IGF2BP2: variants seen among roughly 807,000 people sequenced by gnomAD.
IGF2BP2 encodes insulin-like growth factor 2 mRNA-binding protein 2.
Under a neutral mutation model 75.8 loss-of-function variants are expected in IGF2BP2, and 17 were observed. The ratio of observed to expected loss-of-function variants is 0.22; its 90% CI spans 0.15 to 0.34. The LOEUF is 0.34. Among genes scored for constraint, IGF2BP2 ranks in the 10% least tolerant of loss-of-function variants. The pLI, the probability that IGF2BP2 is intolerant of heterozygous loss-of-function variation, is 1.00. For synonymous variants in IGF2BP2, 288 were observed against 295.6 expected, an observed-to-expected ratio of 0.97 and a Z score of 0.26; for missense variants, 516 against 772.4, an observed-to-expected ratio of 0.67 and a Z score of 3.93.
intron 2 of IGF2BP2, chr3:185,716,305 T>C (rs1725602579): frequency 7.8e-6 from 3 of 386,360 alleles, no homozygotes; most frequent in Non-Finnish European, 1.5e-5. Flanking sequence ...CTTTTAATGA[T>C]ATTTTCTGCA....
rs140211796 is a variant in IGF2BP2, at chr3:185,769,107, C to T, written c.239+54046G>A. The stretch of plus-strand genomic sequence containing the variant: ...CCTGTAATCCCAACATTTTGAGAGA[C>T]CAAGGTGGGAGAATCACTTGAGGCC... On this transcript the variant is annotated intron_variant, in intron 2 of 15. Coordinates refer to ENST00000382199, the MANE Select transcript of IGF2BP2 (RefSeq NM_006548.6). 3.9e-3 allele frequency among the ~76,000 whole-genome samples: 590 copies of T among 152,158 alleles called. 1 individual carries two copies. The highest frequency in any genetic ancestry group is 6.8e-3 in the Non-Finnish European group (465 of 67,986).
At chr3:185,804,472 T>G (rs184027167) in intron 2 of IGF2BP2, among the ~76,000 whole-genome samples, 1 of 152,048 alleles carries the variant, frequency 6.6e-6, no homozygotes. Context: ...TTCAGAAGTA[T>G]TGATATATAA....
At chr3:185,813,717 CAAGT>C in intron 2 of IGF2BP2, among the ~76,000 whole-genome samples, 1 of 152,180 alleles carries the variant, frequency 6.6e-6, no homozygotes, top group Non-Finnish European at 1.5e-5. Flanking sequence ...CTGCACATTC[CAAGT>C]AAGTGTATGC....
At chr3:185,742,327 C>T (rs1487204287) in intron 2 of IGF2BP2, among the ~76,000 whole-genome samples, 1 of 152,004 alleles carries the variant, frequency 6.6e-6, no homozygotes, top group African/African-American at 2.4e-5. Flanking sequence ...AACCCCATCT[C>T]TACTAAAAAT....
At chr3:185,652,870 G>A (rs1055068451) in intron 12 of IGF2BP2, among the ~76,000 whole-genome samples, 4 of 152,124 alleles carry the variant, frequency 2.6e-5, no homozygotes, top group Non-Finnish European at 5.9e-5. Flanking sequence ...GGAGTGCAGT[G>A]GCGCGATCTC....
chr3:185,652,204 G>C lies in IGF2BP2; in HGVS notation c.1387-36C>G, dbSNP rs376598476. 6.4e-6 allele frequency: 10 copies of C among 1,555,540 alleles called. No homozygotes were observed. In the African/African-American group the frequency reaches 1.1e-4, roughly 17 times the overall value. ...CAGGAGAGGAAAACGCTGATGCTCGGCTGCATTCCCCAGCCCCTCTTTCTT... is the reference window on the plus strand; with the variant it reads ...CAGGAGAGGAAAACGCTGATGCTCGCCTGCATTCCCCAGCCCCTCTTTCTT... On this transcript the variant is annotated intron_variant, in intron 12 of 15. Coordinates refer to ENST00000382199, the MANE Select transcript of IGF2BP2 (RefSeq NM_006548.6).
chr3:185,788,505 C>T (rs1736186736), intron 2 of IGF2BP2, among the ~76,000 whole-genome samples: 2 of 152,164 alleles, frequency 1.3e-5, no homozygotes, highest in South Asian at 2.1e-4. Flanking sequence ...GAGCAAGACC[C>T]CATCTCTAAA....
chr3:185,658,005 A>T (rs1214614877), intron 11 of IGF2BP2, among the ~76,000 whole-genome samples: 1 of 152,156 alleles, frequency 6.6e-6, no homozygotes, highest in East Asian at 1.9e-4. Flanking sequence ...CATTTGCTAG[A>T]CTTTGTTCAA....
At chr3:185,791,992 T>C (rs1306579796) in intron 2 of IGF2BP2, among the ~76,000 whole-genome samples, 3 of 152,196 alleles carry the variant, frequency 2.0e-5, no homozygotes, top group Admixed American at 1.3e-4. Flanking sequence ...AGGTGTAATA[T>C]TCCCATATTT....
intron 2 of IGF2BP2, among the ~76,000 whole-genome samples, chr3:185,820,448 C>G (rs1024276575): frequency 6.6e-6 from 1 of 151,970 alleles, no homozygotes; most frequent in Non-Finnish European, 1.5e-5. Flanking sequence ...CACTTTTATT[C>G]AACAGAGCCT....
rs931295601 is a variant in IGF2BP2, at chr3:185,738,330, G to A, written c.240-39983C>T. On this transcript the variant is annotated intron_variant, in intron 2 of 15. Transcript: ENST00000382199. ...CTGCCTTTAAAGGGCTCATAATCTA[G>A]TGTAAAAGATAAACACTAATAATTA... 5.3e-5 allele frequency among the ~76,000 whole-genome samples: 8 copies of A among 152,172 alleles called. No homozygotes were observed. In the East Asian group the frequency reaches 1.5e-3, roughly 29 times the overall value.
chr3:185,792,601 T>TA (rs1228583026), intron 2 of IGF2BP2, among the ~76,000 whole-genome samples: 1 of 151,392 alleles, frequency 6.6e-6, no homozygotes, highest in Non-Finnish European at 1.5e-5. Flanking sequence ...CCATCTCTAC[T>TA]AAAAAATACA....
In IGF2BP2 at chr3:185,647,962, T is replaced by C. The variant is rs1713880331; in HGVS notation, c.1594-824A>G. Reference sequence around the variant, plus strand: ...AACAGGACACCCAGGGGCTCAGGATTCTACTCCCTGCTGATCCATCTGCTT... The same window carrying C: ...AACAGGACACCCAGGGGCTCAGGATCCTACTCCCTGCTGATCCATCTGCTT... On this transcript the variant is annotated intron_variant, in intron 14 of 15. Coordinates refer to ENST00000382199, the MANE Select transcript of IGF2BP2 (RefSeq NM_006548.6). This position sits in a 1 kb window ranked among gnomAD's most constrained non-coding sequence, Gnocchi z 4.9. Among the ~76,000 whole-genome samples, 1 of 152,216 alleles carries C rather than the reference T, an allele frequency of 6.6e-6. No homozygotes were observed. Among genetic ancestry groups the C allele is most frequent in the Non-Finnish European group, 1.5e-5 (1 of 68,038 alleles).
At chr3:185,767,246 T>C (rs1180800221) in intron 2 of IGF2BP2, among the ~76,000 whole-genome samples, 4 of 152,218 alleles carry the variant, frequency 2.6e-5, no homozygotes, top group Non-Finnish European at 4.4e-5. Context: ...TCTATATACC[T>C]CAATGCATTC....
At chr3:185,798,222 G>A (rs1737706157) in intron 2 of IGF2BP2, among the ~76,000 whole-genome samples, 1 of 151,956 alleles carries the variant, frequency 6.6e-6, no homozygotes, top group Non-Finnish European at 1.5e-5. Context: ...TGCTTTTCAG[G>A]GAAAAACACG....
At chr3:185,694,847 G>T (rs962620145) in intron 4 of IGF2BP2, among the ~76,000 whole-genome samples, 4 of 152,232 alleles carry the variant, frequency 2.6e-5, no homozygotes, top group African/African-American at 9.6e-5. Context: ...AGCACTCTGG[G>T]AGGCCAAGGT....
chr3:185,815,312 T>C (rs1051317101), intron 2 of IGF2BP2, among the ~76,000 whole-genome samples: 5 of 152,212 alleles, frequency 3.3e-5, no homozygotes, highest in African/African-American at 4.8e-5. Context: ...ATAGGTTTTA[T>C]ATATGGAAAT....
intron 5 of IGF2BP2, among the ~76,000 whole-genome samples, chr3:185,690,772 C>T (rs766518552): frequency 1.3e-5 from 2 of 152,056 alleles, no homozygotes; most frequent in Non-Finnish European, 2.9e-5. Context: ...ATGCACAGAG[C>T]GCTGTTATTT....
chr3:185,654,250 C>T lies in IGF2BP2; in HGVS notation c.1387-2082G>A, dbSNP rs151193956. On this transcript the variant is annotated intron_variant, in intron 12 of 15. Transcript: ENST00000382199. ...GGGCAGCCATTTCTTGGCAGGGCCT[C>T]GGCCGAAAAACACGGATCTGAGTGT... is the stretch of plus-strand genomic sequence containing the variant. 3.4e-3 allele frequency among the ~76,000 whole-genome samples: 520 copies of T among 152,300 alleles called. 3 individuals carry two copies. The highest frequency in any genetic ancestry group is 4.5e-3 in the Non-Finnish European group (309 of 68,020).
Sources: gnomAD v4.1 joint callset for allele counts (sites outside exome capture counted in the v4.1 genomes callset) on GRCh38, gnomAD v4.1.1 for gene constraint, Gnocchi (gnomAD v3.1) non-coding constraint, MANE v1.5 for transcripts, NCBI Gene and HGNC (gene_info 2026-07-23, HGNC 2026-07-21) for gene names.